HDAC4: variants seen among roughly 807,000 people sequenced by gnomAD.
HDAC4 encodes the protein histone deacetylase A.
In HDAC4, 16 loss-of-function variants were observed where a neutral mutation model predicts 135.1. The observed-to-expected ratio is 0.12, with a 90% CI of 0.08 to 0.18. The LOEUF (loss-of-function observed/expected upper bound fraction) is 0.18. HDAC4 is among the 10% of genes least tolerant of loss of function. The pLI is 1.00. For missense variants in HDAC4, 1,143 were observed against 1,511.8 expected (o/e 0.76, Z 4.05); for synonymous variants, 685 against 653.4 (o/e 1.05, Z -0.74).
At chr2:239,154,224 G>A (rs1329299807) in intron 7 of HDAC4, among the ~76,000 whole-genome samples, 1 of 152,060 alleles carries the variant, frequency 6.6e-6, no homozygotes, top group African/African-American at 2.4e-5. Context: ...GTCCCCACAT[G>A]AGGCCGACTT....
intron 7 of HDAC4, among the ~76,000 whole-genome samples, chr2:239,154,213 C>T (rs546382191): frequency 1.1e-4 from 17 of 152,112 alleles, no homozygotes; most frequent in South Asian, 8.3e-4. Flanking sequence ...TGGGAAGGCA[C>T]GTCCCCACAT....
intron 12 of HDAC4, among the ~76,000 whole-genome samples, chr2:239,122,391 A>G (rs1483116800): frequency 6.6e-6 from 1 of 152,178 alleles, no homozygotes; most frequent in East Asian, 1.9e-4. Context: ...CAAACCAGAC[A>G]TAACTGAGGC....
rs775449011 is a variant in HDAC4, at chr2:239,285,421, G to A, written c.23-48757C>T. On this transcript the variant is annotated intron_variant, in intron 2 of 26. Transcript: ENST00000543185. The surrounding 1 kb of genome is among the most constrained non-coding windows in gnomAD (Gnocchi z 4.5). The stretch of plus-strand genomic sequence containing the variant: ...AGGAAGGAGAAGCCTTACAGCAAGG[G>A]GTTCCACCGAGGCTGGGGCTTCGCT... 6.6e-6 allele frequency among the ~76,000 whole-genome samples: 1 copy of A among 152,220 alleles called. No homozygotes were observed. Among genetic ancestry groups the A allele is most frequent in the Non-Finnish European group, 1.5e-5 (1 of 68,040 alleles).
At chr2:239,396,986 C>G (rs1328464434) in intron 1 of HDAC4, among the ~76,000 whole-genome samples, 2 of 152,238 alleles carry the variant, frequency 1.3e-5, no homozygotes, top group Non-Finnish European at 2.9e-5. Flanking sequence ...GTTCTGCAGT[C>G]CCACACGTGA....
intron 2 of HDAC4, among the ~76,000 whole-genome samples, chr2:239,301,579 C>T (rs1029417838): frequency 2.0e-5 from 3 of 151,648 alleles, no homozygotes; most frequent in Non-Finnish European, 2.9e-5. Flanking sequence ...CCTCCTAGCT[C>T]GAAGGATCCT....
intron 3 of HDAC4, among the ~76,000 whole-genome samples, chr2:239,206,306 CA>C (rs994100085): frequency 1.4e-4 from 21 of 151,534 alleles, no homozygotes; most frequent in Non-Finnish European, 1.6e-4. Context: ...CCAGCCTGGG[CA>C]AAAGAGCAAA....
At chr2:239,155,106 T>C (rs112195717) in intron 7 of HDAC4, 1,676 of 152,178 alleles carry the variant, frequency 0.011, 15 homozygotes, top group Non-Finnish European at 0.016. Context: ...ACCTGGGACA[T>C]GGCCAGCCCG....
At chr2:239,398,286 GA>G (rs1696701268) in intron 1 of HDAC4, among the ~76,000 whole-genome samples, 1 of 152,224 alleles carries the variant, frequency 6.6e-6, no homozygotes, top group African/African-American at 2.4e-5. Context: ...CAGGAGTGAT[GA>G]AATGTTTCTT....
chr2:239,294,900 G>A (rs1315297413), intron 2 of HDAC4, among the ~76,000 whole-genome samples: 1 of 152,216 alleles, frequency 6.6e-6, no homozygotes, highest in Non-Finnish European at 1.5e-5. Flanking sequence ...CTGACTAAGG[G>A]GGTGGGTGTG....
intron 3 of HDAC4, among the ~76,000 whole-genome samples, chr2:239,191,486 G>A (rs1214434150): frequency 6.6e-6 from 1 of 152,264 alleles, no homozygotes; most frequent in Non-Finnish European, 1.5e-5. Context: ...TCACTGCCCA[G>A]GCAGCAGGTC....
intron 2 of HDAC4, among the ~76,000 whole-genome samples, chr2:239,295,926 A>C (rs1235769432): frequency 6.6e-6 from 1 of 152,150 alleles, no homozygotes; most frequent in Non-Finnish European, 1.5e-5. Context: ...TTCATTTGCA[A>C]CAGCTTCTTA....
intron 3 of HDAC4, among the ~76,000 whole-genome samples, chr2:239,228,841 T>G (rs540827263): frequency 6.6e-6 from 1 of 152,226 alleles, no homozygotes; most frequent in East Asian, 1.9e-4. Context: ...AAAACTATTC[T>G]CTACTATAAA....
chr2:239,053,047 G>A lies in HDAC4; in HGVS notation c.*50C>T. On this transcript the variant is annotated 3_prime_UTR_variant, in exon 27 of 27. Coordinates refer to ENST00000543185, the MANE Select transcript of HDAC4 (RefSeq NM_001378414.1). ...TGACACGGGAAAGTTTCTTGGCTGA[G>A]CTTCAAGACAGAGACAGACAGACAA... The A allele has an allele frequency of 6.2e-7, 1 of 1,608,568 alleles. No individual in the cohort carries two copies. Among genetic ancestry groups the A allele is most frequent in the Non-Finnish European group, 8.5e-7 (1 of 1,174,928 alleles).
chr2:239,216,401 C>T (rs748200527), intron 3 of HDAC4, among the ~76,000 whole-genome samples: 6 of 152,078 alleles, frequency 3.9e-5, no homozygotes, highest in African/African-American at 1.4e-4. Context: ...AGACAACTGG[C>T]GATGAGGAGG....
intron 2 of HDAC4, among the ~76,000 whole-genome samples, chr2:239,244,801 C>T (rs1478091131): frequency 6.6e-6 from 1 of 152,152 alleles, no homozygotes; most frequent in Non-Finnish European, 1.5e-5. Context: ...AGCCCATCCT[C>T]CCTCCACTGT....
intron 3 of HDAC4, 100 bp downstream of exon 3, chr2:239,236,493 C>G (rs1410816408): frequency 1.1e-6 from 1 of 932,760 alleles, no homozygotes; most frequent in Non-Finnish European, 1.7e-6. Flanking sequence ...CACACCTCCC[C>G]CCTCGCCCTC....
At chr2:239,347,287 A>T (rs981737651) in intron 2 of HDAC4, among the ~76,000 whole-genome samples, 6 of 152,322 alleles carry the variant, frequency 3.9e-5, no homozygotes, top group Non-Finnish European at 2.9e-5. Flanking sequence ...GAGGACTGGA[A>T]GCAATCCCAG....
At chr2:239,206,419 T>C (rs57670709) in intron 3 of HDAC4, among the ~76,000 whole-genome samples, 2,879 of 150,284 alleles carry the variant, frequency 0.019, 89 homozygotes, top group East Asian at 0.14. Flanking sequence ...CACACACACA[T>C]GGGTATGGCT....
chr2:239,104,225 ATTTAT>A (rs987054542), intron 15 of HDAC4, among the ~76,000 whole-genome samples: 4 of 151,998 alleles, frequency 2.6e-5, no homozygotes, highest in Non-Finnish European at 5.9e-5. Flanking sequence ...GGGGCTTCTA[ATTTAT>A]TTTATTTTAT....
Sources: gnomAD v4.1 joint callset for allele counts (sites outside exome capture counted in the v4.1 genomes callset) on GRCh38, gnomAD v4.1.1 for gene constraint, Gnocchi (gnomAD v3.1) non-coding constraint, MANE v1.5 for transcripts, NCBI Gene and HGNC (gene_info 2026-07-23, HGNC 2026-07-21) for gene names.